Variants in ATP2B1 observed in about 807,000 individuals in gnomAD.
ATP2B1 encodes the protein plasma membrane calcium-transporting ATPase 1.
Under a neutral mutation model 124.2 loss-of-function variants are expected in ATP2B1, and 14 were observed. The observed-to-expected ratio is 0.11, with a 90% confidence interval of 0.07 to 0.18. The LOEUF (loss-of-function observed/expected upper bound fraction) is 0.18. ATP2B1 is among the 10% of genes least tolerant of loss of function. ATP2B1 has a pLI of 1.00. For synonymous variants in ATP2B1, 449 were observed against 492.4 expected (o/e 0.91, Z 1.17); for missense variants, 763 against 1,466.1 (o/e 0.52, Z 7.83).
chr12:89,659,976 T>C (rs1488899658), intron 1 of ATP2B1, among the ~76,000 whole-genome samples: 2 of 136,468 alleles, frequency 1.5e-5, no homozygotes, highest in Non-Finnish European at 3.2e-5. Flanking sequence ...GACTCAACAA[T>C]AAAAAATCAA....
intron 1 of ATP2B1, among the ~76,000 whole-genome samples, chr12:89,677,971 T>TATATATATATATATATACACAC (rs1461216851): frequency 2.1e-4 from 11 of 52,320 alleles, no homozygotes; most frequent in African/African-American, 7.0e-4. Flanking sequence ...TATATATATA[T>TATATATATATATATATACACAC]ACACACACAC....
chr12:89,603,261 G>A lies in ATP2B1; in HGVS notation c.2849-7C>T. The A allele has an allele frequency of 6.3e-7, 1 of 1,580,098 alleles. No individual in the cohort carries two copies. ...ATGTCAAAAAACTTTTCTCCTGAAA[G>A]AATGAAAAATGACTATTTTGTAATT... On this transcript the variant is annotated splice_polypyrimidine_tract_variant and splice_region_variant and intron_variant, in intron 17 of 20. Transcript: ENST00000428670. The surrounding 1 kb of genome is among the most constrained non-coding windows in gnomAD (Gnocchi z 4.3).
intron 1 of ATP2B1, among the ~76,000 whole-genome samples, chr12:89,670,717 T>G (rs141903336): frequency 1.2e-3 from 177 of 152,290 alleles, no homozygotes; most frequent in Non-Finnish European, 1.8e-3. Context: ...GAATGTATAC[T>G]GAGCAGCAAA....
rs1885897906 is a variant in ATP2B1, at chr12:89,655,867, T to C, written c.20A>G (p.Asn7Ser). MGDMAN[N>S]SVAYSGVKNS... is the part of the protein sequence containing the mutation. ...TTTCACACCACTGTAAGCAACTGAG[T>C]TGTTTGCCATGTCGCCCATTACAAG... Residue 7 changes from asparagine (N) to serine (S), a missense_variant, in exon 2 of 21, where the codon AAC (asparagine) becomes AGC (serine). Physicochemically the swap from Asn to Ser is conservative, Grantham distance 46 (BLOSUM62 1). Coordinates refer to ENST00000428670, the MANE Select transcript of ATP2B1 (RefSeq NM_001366521.1). The C allele has an allele frequency of 6.3e-7, 1 of 1,599,420 alleles. No homozygotes were observed. The highest frequency in any genetic ancestry group is 1.3e-5 in the African/African-American group (1 of 74,284).
chr12:89,628,194 G>A (rs371215676), intron 6 of ATP2B1, among the ~76,000 whole-genome samples: 2 of 151,860 alleles, frequency 1.3e-5, no homozygotes, highest in African/African-American at 4.8e-5. Flanking sequence ...TCTGAGGTCG[G>A]GAGTTCAAGA....
chr12:89,652,803 T>A (rs979495347), intron 2 of ATP2B1, among the ~76,000 whole-genome samples: 1 of 152,212 alleles, frequency 6.6e-6, no homozygotes, highest in Non-Finnish European at 1.5e-5. Flanking sequence ...AGTGGTGCAA[T>A]CATAGCTCAC....
At chr12:89,701,082 C>T (rs1320223827) in intron 1 of ATP2B1, among the ~76,000 whole-genome samples, 2 of 152,196 alleles carry the variant, frequency 1.3e-5, no homozygotes, top group Non-Finnish European at 2.9e-5. Flanking sequence ...TTCTTGGCAG[C>T]TGGAAGAATA....
intron 14 of ATP2B1, 112 bp from the exon 15 acceptor site, chr12:89,610,155 A>G: frequency 2.0e-6 from 2 of 1,011,890 alleles, no homozygotes; most frequent in Admixed American, 2.7e-5. Context: ...TAAATAAACA[A>G]ATATAAAAAT....
At chr12:89,628,995 A>C (rs1881395591) in intron 6 of ATP2B1, among the ~76,000 whole-genome samples, 1 of 152,306 alleles carries the variant, frequency 6.6e-6, no homozygotes, top group South Asian at 2.1e-4. Flanking sequence ...CTTTAAAAAA[A>C]AAACAACAAC....
chr12:89,647,072 G>C (rs1362535333), intron 2 of ATP2B1, among the ~76,000 whole-genome samples: 1 of 152,142 alleles, frequency 6.6e-6, no homozygotes, highest in East Asian at 1.9e-4. Flanking sequence ...TGGTGGAACT[G>C]GCAAAGAAAT....
chr12:89,618,815 A>G (rs985875704), intron 11 of ATP2B1, among the ~76,000 whole-genome samples: 1 of 152,208 alleles, frequency 6.6e-6, no homozygotes, highest in South Asian at 2.1e-4. Context: ...GCCTTCAGTT[A>G]TTTATTTATA....
At chr12:89,598,640 G>C in intron 20 of ATP2B1, 1 of 1,613,936 alleles carries the variant, frequency 6.2e-7, no homozygotes, top group Non-Finnish European at 8.5e-7. Flanking sequence ...ATGTGTAGGG[G>C]TAGAAATATT....
intron 15 of ATP2B1, among the ~76,000 whole-genome samples, chr12:89,608,199 C>T (rs1002045937): frequency 3.3e-5 from 5 of 152,114 alleles, no homozygotes; most frequent in African/African-American, 4.8e-5. Flanking sequence ...GACAGAGTCT[C>T]GCTCTGTCAC....
intron 14 of ATP2B1, among the ~76,000 whole-genome samples, 172 bp downstream of exon 14, chr12:89,610,244 TTAAGA>T (rs769043552): frequency 6.6e-6 from 1 of 152,174 alleles, no homozygotes; most frequent in African/African-American, 2.4e-5. Flanking sequence ...TTTTAAACAC[TTAAGA>T]TAATCACTTA....
chr12:89,667,127 T>C (rs1339651526), intron 1 of ATP2B1, among the ~76,000 whole-genome samples: 1 of 152,176 alleles, frequency 6.6e-6, no homozygotes, highest in East Asian at 1.9e-4. Flanking sequence ...CACTCTCACC[T>C]TGACCCTGAC....
chr12:89,657,133 C>A (rs1256034677), intron 1 of ATP2B1, among the ~76,000 whole-genome samples: 1 of 152,228 alleles, frequency 6.6e-6, no homozygotes, highest in Non-Finnish European at 1.5e-5. Context: ...TCTGCCACCA[C>A]CATTATCCTT....
At chr12:89,659,382 A>ACG (rs1555204513) in intron 1 of ATP2B1, among the ~76,000 whole-genome samples, 1 of 151,078 alleles carries the variant, frequency 6.6e-6, no homozygotes, top group Non-Finnish European at 1.5e-5. Flanking sequence ...ACACACACAC[A>ACG]CGCACAAGCA....
At chr12:89,658,644 A>AGAGAGAGAGG (rs1886296752) in intron 1 of ATP2B1, among the ~76,000 whole-genome samples, 2 of 141,022 alleles carry the variant, frequency 1.4e-5, no homozygotes, top group Non-Finnish European at 3.2e-5. Context: ...AGAGAGAGAG[A>AGAGAGAGAGG]GAGATAGAGA....
At position 89,664,708 on chromosome 12, in the gene ATP2B1, T is replaced by C. The variant is rs144836957; in HGVS notation, c.-221-8601A>G. On this transcript the variant is annotated intron_variant, in intron 1 of 20. Coordinates refer to ENST00000428670, the MANE Select transcript of ATP2B1 (RefSeq NM_001366521.1). ...ACTTCTCAGATAACAGTGATGCCAATGCTACTGGTCTGGAGAGCCACTACT... is the reference window on the plus strand; with the variant it reads ...ACTTCTCAGATAACAGTGATGCCAACGCTACTGGTCTGGAGAGCCACTACT... Among the ~76,000 whole-genome samples the C allele has an allele frequency of 1.5e-3, 222 of 152,344 alleles. 1 individual carries two copies. The highest frequency in any genetic ancestry group is 1.6e-3 in the Non-Finnish European group (106 of 68,028).
Sources: gnomAD v4.1 joint callset for allele counts (sites outside exome capture counted in the v4.1 genomes callset) on GRCh38, gnomAD v4.1.1 for gene constraint, Gnocchi (gnomAD v3.1) non-coding constraint, MANE v1.5 for transcripts, NCBI Gene and HGNC (gene_info 2026-07-23, HGNC 2026-07-21) for gene names.